Variants in BIN1 observed in about 807,000 individuals in gnomAD.
BIN1 encodes bridging integrator 1.
BIN1 carries 53 observed loss-of-function variants against 82.0 expected under a neutral mutation model. The observed-to-expected ratio is 0.65, with a 90% confidence interval of 0.52 to 0.81. The LOEUF (loss-of-function observed/expected upper bound fraction) is 0.81, where lower values mean the gene tolerates loss of function less well. Ranked by LOEUF, BIN1 falls within the 40% of genes least tolerant of loss-of-function variation. The pLI is 0.00. For missense variants in BIN1, 642 were observed against 784.4 expected (o/e 0.82, Z 2.17); for synonymous variants, 302 against 328.0 (o/e 0.92, Z 0.86).
At position 127,053,012 on chromosome 2, in the gene BIN1, C is replaced by A. The variant is rs148921106; in HGVS notation, c.1263+410G>T. On this transcript the variant is annotated intron_variant, in intron 14 of 18. Coordinates refer to ENST00000316724, the MANE Select transcript of BIN1 (RefSeq NM_139343.3). ...CATTCCTCCCCTCTCCCCTTCCTCG[C>A]AAACAGCTCCCCACTGCCAAAAAGC... is the stretch of plus-strand genomic sequence containing the variant. 571 of 307,586 alleles carry A rather than the reference C, an allele frequency of 1.9e-3. 4 individuals carry two copies. The highest frequency in any genetic ancestry group is 0.011 in the African/African-American group (523 of 46,886). The allele number at this position is 307,586 out of a possible 1,614,324, so 19.1% of individuals were successfully genotyped here.
chr2:127,072,048 C>T (rs559163112), intron 2 of BIN1, among the ~76,000 whole-genome samples: 3 of 152,348 alleles, frequency 2.0e-5, no homozygotes, highest in South Asian at 4.1e-4. Context: ...GCCTCAGGGA[C>T]ACCCATGTTC....
At chr2:127,069,102 T>G in intron 5 of BIN1, 71 bp from the exon 6 acceptor site, 2 of 1,450,012 alleles carry the variant, frequency 1.4e-6, no homozygotes, top group African/African-American at 1.4e-5. Context: ...CAGTGGATCC[T>G]GGAGGGACCC....
intron 7 of BIN1, among the ~76,000 whole-genome samples, chr2:127,066,941 C>T (rs1364077114): frequency 2.0e-5 from 3 of 152,108 alleles, no homozygotes; most frequent in South Asian, 2.1e-4. Context: ...CACGGCAATG[C>T]GTGCCTGTGG....
intron 10 of BIN1, among the ~76,000 whole-genome samples, chr2:127,060,271 T>TGTCACCTCC (rs1212973339): frequency 6.6e-6 from 1 of 152,202 alleles, no homozygotes; most frequent in Non-Finnish European, 1.5e-5. Flanking sequence ...AGTGCTGCAG[T>TGTCACCTCC]GTCACCTCCC....
rs1682431712 is a variant in BIN1 at position 127,048,321 on chromosome 2, T to C, written c.*205A>G. Reference sequence around the variant, plus strand: ...GAGGACACAGCAGCTTCAGGAACACTGGTGAATTCCGCCGGACTTGCCGGG... The same window carrying C: ...GAGGACACAGCAGCTTCAGGAACACCGGTGAATTCCGCCGGACTTGCCGGG... On this transcript the variant is annotated 3_prime_UTR_variant, in exon 19 of 19. Coordinates refer to ENST00000316724, the MANE Select transcript of BIN1 (RefSeq NM_139343.3). The C allele has an allele frequency of 3.4e-5, 20 of 580,702 alleles. No individual in the cohort carries two copies. The Admixed American group carries it at 4.6e-4, about 13-fold the overall frequency. 36.0% of individuals were successfully genotyped at this position (580,702 alleles called of 1,614,324 possible).
chr2:127,089,236 C>T (rs980363527), intron 1 of BIN1, among the ~76,000 whole-genome samples: 2 of 152,186 alleles, frequency 1.3e-5, no homozygotes, highest in African/African-American at 2.4e-5. Context: ...CATGCGGCCT[C>T]GGCCCCCAGG....
chr2:127,104,235 G>A (rs2105357747), intron 1 of BIN1, among the ~76,000 whole-genome samples: 1 of 152,342 alleles, frequency 6.6e-6, no homozygotes, highest in South Asian at 2.1e-4. Flanking sequence ...AGCACCGACT[G>A]GGGCCAGGTA....
intron 14 of BIN1, 26 bp from the exon 15 acceptor site, chr2:127,052,388 C>T: frequency 6.4e-7 from 1 of 1,557,126 alleles, no homozygotes; most frequent in Non-Finnish European, 8.7e-7. Flanking sequence ...GAGGAGAGAA[C>T]AGGGAGGGGG....
rs538198112 is a variant in BIN1, at chr2:127,059,690, C to T, written c.858-535G>A. Among the ~76,000 whole-genome samples the T allele has an allele frequency of 2.2e-4, 34 of 152,290 alleles. No individual in the cohort carries two copies. Among genetic ancestry groups the T allele is most frequent in the African/African-American group, 7.9e-4 (33 of 41,552 alleles). On this transcript the variant is annotated intron_variant, in intron 10 of 18. Transcript: ENST00000316724. This position sits in a 1 kb window ranked among gnomAD's most constrained non-coding sequence, Gnocchi z 6.7. ...GACCTTGGCTCTCCTGTCCTCTCGG[C>T]TGCTGGAGGCCACAAGCAGGGCCTG... is the stretch of plus-strand genomic sequence containing the variant.
chr2:127,103,773 A>C (rs1680658686), intron 1 of BIN1, among the ~76,000 whole-genome samples: 1 of 152,208 alleles, frequency 6.6e-6, no homozygotes, highest in African/African-American at 2.4e-5. Context: ...GCTCCACCCT[A>C]CACTGGCTTT....
At chr2:127,062,245 C>A in intron 9 of BIN1, 48 bp from the exon 10 acceptor site, 1 of 1,542,244 alleles carries the variant, frequency 6.5e-7, no homozygotes, top group South Asian at 1.2e-5. Flanking sequence ...GGCCACCAAA[C>A]GGCCCCACCT....
chr2:127,104,182 A>G (rs1171589770), intron 1 of BIN1, among the ~76,000 whole-genome samples: 1 of 152,208 alleles, frequency 6.6e-6, no homozygotes, highest in African/African-American at 2.4e-5. Context: ...ATCCACCATC[A>G]GCCTGCGTCA....
chr2:127,096,782 C>T (rs1187909247), intron 1 of BIN1, among the ~76,000 whole-genome samples: 2 of 152,234 alleles, frequency 1.3e-5, no homozygotes, highest in African/African-American at 4.8e-5. Flanking sequence ...CCACCCAGGC[C>T]TCTCTGTGCC....
At position 127,059,483 on chromosome 2, in the gene BIN1, C is replaced by T. The variant is rs899052980; in HGVS notation, c.858-328G>A. Among the ~76,000 whole-genome samples, 2 of 152,044 alleles carry T rather than the reference C, an allele frequency of 1.3e-5. No individual in the cohort carries two copies. Among genetic ancestry groups the T allele is most frequent in the African/African-American group, 4.8e-5 (2 of 41,364 alleles). The stretch of plus-strand genomic sequence containing the variant: ...GAGACCAGACCAACCACCCCACAGG[C>T]TCCATGGGGTCCACCAGGGCCCATG... On this transcript the variant is annotated intron_variant, in intron 10 of 18. Coordinates refer to ENST00000316724, the MANE Select transcript of BIN1 (RefSeq NM_139343.3). This position sits in a 1 kb window ranked among gnomAD's most constrained non-coding sequence, Gnocchi z 6.7.
intron 2 of BIN1, among the ~76,000 whole-genome samples, chr2:127,074,161 C>T (rs1355884779): frequency 6.6e-6 from 1 of 152,160 alleles, no homozygotes; most frequent in Non-Finnish European, 1.5e-5. Flanking sequence ...GAAAAAGCTC[C>T]ACCTCCAGGC....
At chr2:127,100,095 G>A (rs563152687) in intron 1 of BIN1, among the ~76,000 whole-genome samples, 3 of 152,188 alleles carry the variant, frequency 2.0e-5, no homozygotes, top group East Asian at 3.8e-4. Flanking sequence ...ATGAGCCACC[G>A]CACCCGGCCA....
At chr2:127,095,809 G>A (rs1679525036) in intron 1 of BIN1, among the ~76,000 whole-genome samples, 1 of 152,200 alleles carries the variant, frequency 6.6e-6, no homozygotes. Context: ...GAAAGCGGCG[G>A]GTGTGATGGT....
In BIN1 at chr2:127,068,034, A is replaced by G; in HGVS notation, c.612+129T>C. 1.1e-6 allele frequency: 1 copy of G among 928,828 alleles called. No individual in the cohort carries two copies. Among genetic ancestry groups the G allele is most frequent in the South Asian group, 1.4e-5 (1 of 71,262 alleles). The allele number at this position is 928,828 out of a possible 1,614,324, so 57.5% of individuals were successfully genotyped here. A position where few individuals can be genotyped will look rare whatever the true frequency, so the allele number is the denominator to read the frequency against. On this transcript the variant is annotated intron_variant, in intron 7 of 18. Coordinates refer to ENST00000316724, the MANE Select transcript of BIN1 (RefSeq NM_139343.3). The surrounding 1 kb of genome is among the most constrained non-coding windows in gnomAD (Gnocchi z 4.9). ...GTCTCCTCTGAAGCAGAGCTCTCCCAGCAGAGGCCTTTGAAAAACCCTGCC... is the reference window on the plus strand; with the variant it reads ...GTCTCCTCTGAAGCAGAGCTCTCCCGGCAGAGGCCTTTGAAAAACCCTGCC...
intron 2 of BIN1, 62 bp from the exon 3 acceptor site, chr2:127,070,878 T>TC: frequency 6.6e-7 from 1 of 1,521,270 alleles, no homozygotes; most frequent in Non-Finnish European, 9.0e-7. Context: ...CCTGACCCTC[T>TC]CCTTCCTGCC....
Sources: allele counts gnomAD v4.1 joint callset (sites outside exome capture counted in the v4.1 genomes callset), GRCh38; gene constraint gnomAD v4.1.1; non-coding constraint Gnocchi (gnomAD v3.1); transcripts MANE v1.5; gene names NCBI Gene and HGNC (gene_info 2026-07-23, HGNC 2026-07-21).